CFAP61: variants seen among roughly 807,000 people sequenced by gnomAD.
CFAP61 encodes the protein cilia- and flagella-associated protein 61.
A neutral mutation model predicts 135.6 loss-of-function variants in CFAP61; 107 were observed. That is an observed-to-expected ratio of 0.79 (90% CI 0.67 to 0.93). CFAP61 has a LOEUF of 0.93. CFAP61 is among the 40% of genes least tolerant of loss of function. CFAP61 has a pLI of 0.00. For missense variants in CFAP61, 1,507 were observed against 1,556.2 expected (o/e 0.97, Z 0.53); for synonymous variants, 575 against 578.5 (o/e 0.99, Z 0.09).
intron 7 of CFAP61, among the ~76,000 whole-genome samples, chr20:20,094,137 T>G (rs1314408289): frequency 6.6e-6 from 1 of 152,236 alleles, no homozygotes; most frequent in Non-Finnish European, 1.5e-5. Context: ...CCCTGGAAAT[T>G]AGATTCTGAA....
chr20:20,341,743 A>T, intron 25 of CFAP61, 88 bp from the exon 26 acceptor site: 1 of 917,056 alleles, frequency 1.1e-6, no homozygotes, highest in Non-Finnish European at 1.7e-6. Flanking sequence ...CCAGAACTGT[A>T]ATTTATAAAG....
intron 17 of CFAP61, among the ~76,000 whole-genome samples, chr20:20,207,890 G>A (rs997255155): frequency 2.0e-5 from 3 of 152,158 alleles, no homozygotes; most frequent in Admixed American, 2.0e-4. Flanking sequence ...TATGCTATTA[G>A]ATATGGGGTT....
intron 16 of CFAP61, among the ~76,000 whole-genome samples, chr20:20,197,782 G>C (rs1026384593): frequency 2.6e-5 from 4 of 152,132 alleles, no homozygotes; most frequent in Non-Finnish European, 4.4e-5. Flanking sequence ...TGTAGACTTG[G>C]GGGTGAAGGG....
chr20:20,269,203 G>GTATA (rs74174559), intron 21 of CFAP61, among the ~76,000 whole-genome samples: 1,403 of 129,944 alleles, frequency 0.011, 59 homozygotes, highest in Non-Finnish European at 0.015. Context: ...ATACATATAT[G>GTATA]TATATATACA....
At chr20:20,162,577 A>T (rs1490593455) in intron 10 of CFAP61, among the ~76,000 whole-genome samples, 3 of 152,122 alleles carry the variant, frequency 2.0e-5, no homozygotes, top group African/African-American at 7.2e-5. Context: ...CTCTAACGAT[A>T]TGAGGGCCTA....
At chr20:20,296,137 C>T (rs796302286) in intron 24 of CFAP61, among the ~76,000 whole-genome samples, 1 of 8,534 alleles carries the variant, frequency 1.2e-4, no homozygotes, top group African/African-American at 6.4e-4. Flanking sequence ...CTTCCTTCCT[C>T]CCTCCCTCCC....
chr20:20,087,436 C>T (rs766287011), intron 6 of CFAP61, among the ~76,000 whole-genome samples: 1 of 152,222 alleles, frequency 6.6e-6, no homozygotes, highest in South Asian at 2.1e-4. Flanking sequence ...TGACCTTCAG[C>T]TGCAACCATG....
chr20:20,098,464 G>A (rs1224873397), intron 7 of CFAP61, among the ~76,000 whole-genome samples, 191 bp from the exon 8 acceptor site: 2 of 151,794 alleles, frequency 1.3e-5, no homozygotes, highest in African/African-American at 4.8e-5. Flanking sequence ...GCAAAAATTA[G>A]CTGGGTGTGG....
chr20:20,196,750 G>T lies in CFAP61; in HGVS notation c.1771G>T (p.Val591Phe), dbSNP rs141281618. The T allele has an allele frequency of 3.1e-6, 5 of 1,614,054 alleles. No homozygotes were observed. The African/African-American group carries it at 6.7e-5, about 22-fold the overall frequency. The change falls in exon 16 of 27, where the codon GTT becomes TTT. Residue 591 changes from valine to phenylalanine, a missense_variant. Coordinates refer to ENST00000245957, the MANE Select transcript of CFAP61 (RefSeq NM_015585.4). ...LGFKSCLYYR[V>F]YPKSREGKFQ... Reference sequence around the variant, plus strand: ...CTTTAAATCCTGTCTCTACTACCGTGTTTACCCAAAATCCAGAGAAGGCAA... The same window carrying T: ...CTTTAAATCCTGTCTCTACTACCGTTTTTACCCAAAATCCAGAGAAGGCAA...
At position 20,182,564 on chromosome 20, in the gene CFAP61, G is replaced by A. The variant is rs562967765; in HGVS notation, c.1386-5366G>A. Among the ~76,000 whole-genome samples, 54 of 152,228 alleles carry A rather than the reference G, an allele frequency of 3.5e-4. No individual in the cohort carries two copies. In the South Asian group the frequency reaches 0.011, roughly 31 times the overall value. ...GATGTATCCCCAGCACCCAAAACAC[G>A]GGCACACAGCAGATGTTTAATAAAT... On this transcript the variant is annotated intron_variant, in intron 13 of 26. Coordinates refer to ENST00000245957, the MANE Select transcript of CFAP61 (RefSeq NM_015585.4).
At chr20:20,169,903 TA>T (rs1242103386) in intron 13 of CFAP61, among the ~76,000 whole-genome samples, 1 of 152,196 alleles carries the variant, frequency 6.6e-6, no homozygotes, top group Non-Finnish European at 1.5e-5. Context: ...TACTCTATCA[TA>T]AAATAGATTC....
rs113233947 is a variant in CFAP61, at chr20:20,164,494, T to G, written c.1205+266T>G. Reference sequence around the variant, plus strand: ...GAAAATTATCACTTACATAACCACATGCTGCTCCCATTCTGTAAAGTTTGC... The same window carrying G: ...GAAAATTATCACTTACATAACCACAGGCTGCTCCCATTCTGTAAAGTTTGC... On this transcript the variant is annotated intron_variant, in intron 11 of 26. Coordinates refer to ENST00000245957, the MANE Select transcript of CFAP61 (RefSeq NM_015585.4). Among the ~76,000 whole-genome samples the G allele has an allele frequency of 3.8e-3, 584 of 152,324 alleles. 4 individuals are homozygous for G. The highest frequency in any genetic ancestry group is 0.014 in the African/African-American group (563 of 41,562).
At chr20:20,303,169 T>C (rs951724527) in intron 25 of CFAP61, among the ~76,000 whole-genome samples, 3 of 152,184 alleles carry the variant, frequency 2.0e-5, no homozygotes, top group African/African-American at 7.2e-5. Context: ...TGGTGGGGAA[T>C]GATATGCTAA....
intron 13 of CFAP61, among the ~76,000 whole-genome samples, chr20:20,174,427 G>T (rs1038501874): frequency 1.3e-5 from 2 of 152,214 alleles, no homozygotes; most frequent in African/African-American, 4.8e-5. Flanking sequence ...ACCATTAGGG[G>T]TGCACATGCA....
chr20:20,319,052 G>A (rs879513180), intron 25 of CFAP61, among the ~76,000 whole-genome samples: 8 of 152,160 alleles, frequency 5.3e-5, no homozygotes, highest in Non-Finnish European at 1.0e-4. Flanking sequence ...CCTTGTCTCC[G>A]CCTCCCATTG....
chr20:20,091,667 T>C (rs557453636), intron 7 of CFAP61, among the ~76,000 whole-genome samples: 1 of 152,096 alleles, frequency 6.6e-6, no homozygotes, highest in Non-Finnish European at 1.5e-5. Flanking sequence ...TTATGATTCC[T>C]GTAATTATTA....
At position 20,355,393 on chromosome 20, in the gene CFAP61, A is replaced by G. The variant is rs1302177087; in HGVS notation, c.3514-4817A>G. 4.9e-4 allele frequency among the ~76,000 whole-genome samples: 33 copies of G among 67,726 alleles called. 2 individuals are homozygous for G. The highest frequency in any genetic ancestry group is 3.9e-3 in the East Asian group (6 of 1,546). The allele number at this position is 67,726 out of a possible 152,430, so 44.4% of individuals were successfully genotyped here. On this transcript the variant is annotated intron_variant, in intron 26 of 26. Coordinates refer to ENST00000245957, the MANE Select transcript of CFAP61 (RefSeq NM_015585.4). ...GGGGAGGTAGTGACACTGTGAGCAG[A>G]GATGGTCACACTGTGAGGGGAGGTG...
chr20:20,203,771 T>A (rs2056738635), intron 17 of CFAP61, among the ~76,000 whole-genome samples: 1 of 152,140 alleles, frequency 6.6e-6, no homozygotes, highest in Admixed American at 6.5e-5. Context: ...TTTATAGGGA[T>A]TCAGATATGA....
chr20:20,298,212 A>G lies in CFAP61; in HGVS notation c.3248A>G (p.Asn1083Ser), dbSNP rs1324463019. ...GAACTAGTAACCGGCAGTGCGAAAAATGGGACTTACTTCCGAATTCATATT... is the reference window on the plus strand; with the variant it reads ...GAACTAGTAACCGGCAGTGCGAAAAGTGGGACTTACTTCCGAATTCATATT... ...GLELVTGSAK[N>S]GTYFRIHINK... is the part of the protein sequence containing the mutation. The change falls in exon 25 of 27, where the codon AAT (asparagine) becomes AGT (serine). Residue 1083 changes from asparagine (N) to serine (S), a missense_variant. By Grantham distance (46) the Asn-to-Ser change is conservative (BLOSUM62 1). Coordinates refer to ENST00000245957, the MANE Select transcript of CFAP61 (RefSeq NM_015585.4). 4 of 1,614,114 alleles carry G rather than the reference A, an allele frequency of 2.5e-6. No individual in the cohort carries two copies. Among genetic ancestry groups the G allele is most frequent in the Admixed American group, 1.7e-5 (1 of 60,026 alleles).
Sources: allele counts gnomAD v4.1 joint callset (sites outside exome capture counted in the v4.1 genomes callset), GRCh38; gene constraint gnomAD v4.1.1; transcripts MANE v1.5; gene names NCBI Gene and HGNC (gene_info 2026-07-23, HGNC 2026-07-21).